SGCE: variants seen among roughly 807,000 people sequenced by gnomAD.
SGCE encodes the protein sarcoglycan epsilon.
In SGCE, 26 loss-of-function variants were observed where a neutral mutation model predicts 57.8. The ratio of observed to expected loss-of-function variants is 0.45; its 90% CI spans 0.33 to 0.62. SGCE has a LOEUF of 0.62. Ranked by LOEUF, SGCE falls within the 20% of genes least tolerant of loss-of-function variation. The pLI, the probability that SGCE is intolerant of heterozygous loss-of-function variation, is 0.02. For synonymous variants in SGCE, 183 were observed against 189.5 expected (o/e 0.97, Z 0.28); for missense variants, 468 against 548.6 (o/e 0.85, Z 1.47).
At chr7:94,644,717 A>T (rs1180817889) in intron 1 of SGCE, 8 of 907,458 alleles carry the variant, frequency 8.8e-6, no homozygotes, top group Admixed American at 2.4e-5. Flanking sequence ...TATATAGCTC[A>T]CGTGTCCGGC....
Position 94,628,159 on chromosome 7 carries a change from CACACAT to C in SGCE, c.390+37_390+42del. 4 of 1,480,452 alleles carry C rather than the reference CACACAT, an allele frequency of 2.7e-6. No individual in the cohort carries two copies. In the African/African-American group the frequency reaches 4.2e-5, roughly 15 times the overall value. The allele number at this position is 1,480,452 out of a possible 1,614,324, so 91.7% of individuals were successfully genotyped here. A position where few individuals can be genotyped will look rare whatever the true frequency, so the allele number is the denominator to read the frequency against. On this transcript the variant is annotated intron_variant, in intron 3 of 10. Coordinates refer to ENST00000648936, the MANE Select transcript of SGCE (RefSeq NM_003919.3). ...CAATACACACACACACACACACACA[CACACAT>C]ATATGTATAGTTTTGCTCTTTCTAG... is the stretch of plus-strand genomic sequence containing the variant.
chr7:94,638,799 G>A (rs929192561), intron 1 of SGCE, among the ~76,000 whole-genome samples: 15 of 152,126 alleles, frequency 9.9e-5, no homozygotes, highest in African/African-American at 3.4e-4. Flanking sequence ...TATAGATACT[G>A]AAGAAAAATT....
chr7:94,650,578 G>A (rs1411455894), intron 1 of SGCE, among the ~76,000 whole-genome samples: 3 of 151,080 alleles, frequency 2.0e-5, no homozygotes, highest in Admixed American at 1.3e-4. Context: ...CAACACATAG[G>A]GCTATTTAGA....
chr7:94,655,379 TC>T (rs1378245476), intron 1 of SGCE, among the ~76,000 whole-genome samples: 11 of 152,070 alleles, frequency 7.2e-5, no homozygotes, highest in Admixed American at 7.2e-4. Flanking sequence ...CCTGTTTAGC[TC>T]CCAGCATTTC....
intron 1 of SGCE, among the ~76,000 whole-genome samples, chr7:94,645,701 A>C (rs1806969663): frequency 6.6e-6 from 1 of 152,198 alleles, no homozygotes; most frequent in Non-Finnish European, 1.5e-5. Context: ...CCTCATCTGG[A>C]ATAGAATAGT....
At position 94,611,875 on chromosome 7, in the gene SGCE, C is replaced by G. The variant is rs73222139; in HGVS notation, c.662+6883G>C. Among the ~76,000 whole-genome samples, 611 of 152,096 alleles carry G rather than the reference C, an allele frequency of 4.0e-3. 3 individuals carry two copies. The highest frequency in any genetic ancestry group is 9.1e-3 in the Admixed American group (139 of 15,260). ...ATTATCTTTTAAAAAACCTATTGTA[C>G]CTTTGGGAAACAAATAGTAAATAAT... On this transcript the variant is annotated intron_variant, in intron 5 of 10. Transcript: ENST00000648936.
rs1804014578 is a variant in SGCE at position 94,628,054 on chromosome 7, T to G, written c.390+148A>C. 9 of 611,104 alleles carry G rather than the reference T, an allele frequency of 1.5e-5. No individual in the cohort carries two copies. The South Asian group carries it at 1.9e-4, about 13-fold the overall frequency. 37.9% of individuals were successfully genotyped at this position (611,104 alleles called of 1,614,324 possible). On this transcript the variant is annotated intron_variant, in intron 3 of 10. Transcript: ENST00000648936. ...GAGAAGAATGGCACATTTCCAAATG[T>G]TATCTACTGTGTTTCCATGCACAAA...
chr7:94,614,503 A>G (rs909563510), intron 5 of SGCE, among the ~76,000 whole-genome samples: 7 of 152,178 alleles, frequency 4.6e-5, no homozygotes, highest in Non-Finnish European at 4.4e-5. Flanking sequence ...CTCTTTCTCC[A>G]TTTCCACACT....
chr7:94,631,489 A>C (rs965134131), intron 1 of SGCE, among the ~76,000 whole-genome samples: 4 of 151,890 alleles, frequency 2.6e-5, no homozygotes, highest in Non-Finnish European at 4.4e-5. Context: ...ATATGGGAGG[A>C]GCAATTAAGG....
intron 1 of SGCE, among the ~76,000 whole-genome samples, chr7:94,634,908 C>T (rs1805382012): frequency 6.6e-6 from 1 of 152,046 alleles, no homozygotes; most frequent in Non-Finnish European, 1.5e-5. Context: ...TGTGAACTGT[C>T]AAATAAAAAA....
intron 4 of SGCE, chr7:94,620,446 A>T (rs1486109671): frequency 6.6e-6 from 1 of 152,204 alleles, no homozygotes; most frequent in East Asian, 1.9e-4. Context: ...ATATGCAAAT[A>T]AATTTCGTTT....
intron 1 of SGCE, 38 bp downstream of exon 1, chr7:94,655,952 T>C (rs1199360116): frequency 7.4e-7 from 1 of 1,354,642 alleles, no homozygotes; most frequent in African/African-American, 1.4e-5. Context: ...GGCGGCCTGT[T>C]GGCCCCGGGA....
chr7:94,631,316 T>C (rs1044899892), intron 1 of SGCE, among the ~76,000 whole-genome samples: 1 of 151,640 alleles, frequency 6.6e-6, no homozygotes, highest in Non-Finnish European at 1.5e-5. Context: ...TTTTTACCAG[T>C]TTGATACCAC....
At chr7:94,608,470 C>A (rs1438027182) in intron 5 of SGCE, among the ~76,000 whole-genome samples, 1 of 152,176 alleles carries the variant, frequency 6.6e-6, no homozygotes, top group Non-Finnish European at 1.5e-5. Flanking sequence ...GATAGGAAGA[C>A]TAAATATTGT....
intron 5 of SGCE, among the ~76,000 whole-genome samples, chr7:94,606,395 A>G (rs552934635): frequency 2.1e-4 from 32 of 152,336 alleles, no homozygotes; most frequent in Non-Finnish European, 4.0e-4. Flanking sequence ...GGCATTACAT[A>G]ATGATAAAGA....
intron 5 of SGCE, among the ~76,000 whole-genome samples, chr7:94,615,894 T>C (rs997423677): frequency 1.3e-5 from 2 of 152,218 alleles, no homozygotes; most frequent in Non-Finnish European, 2.9e-5. Flanking sequence ...CCTTAGCCTC[T>C]GGCTCAGCAT....
chr7:94,588,027 A>G, intron 10 of SGCE: 1 of 1,383,864 alleles, frequency 7.2e-7, no homozygotes, highest in Non-Finnish European at 9.3e-7. Context: ...TTCCCTGGCA[A>G]TTAGAACTAG....
chr7:94,620,404 C>T (rs540445308), intron 4 of SGCE: 1 of 151,946 alleles, frequency 6.6e-6, no homozygotes, highest in South Asian at 2.1e-4. Flanking sequence ...AATGTATAGC[C>T]CATCTGCAAT....
chr7:94,603,737 T>C (rs1393614287), intron 5 of SGCE, among the ~76,000 whole-genome samples: 1 of 152,182 alleles, frequency 6.6e-6, no homozygotes, highest in Non-Finnish European at 1.5e-5. Flanking sequence ...TCATTCAATA[T>C]AAACATGCAT....
Sources: allele counts gnomAD v4.1 joint callset (sites outside exome capture counted in the v4.1 genomes callset), GRCh38; gene constraint gnomAD v4.1.1; transcripts MANE v1.5; gene names NCBI Gene and HGNC (gene_info 2026-07-23, HGNC 2026-07-21).